The following TRPM7 variants were observed in gnomAD, a reference collection of about 807,000 sequenced individuals.
The protein encoded by TRPM7 is transient receptor potential cation channel subfamily M member 7.
Under a neutral mutation model 229.7 loss-of-function variants are expected in TRPM7, and 134 were observed. The observed-to-expected ratio is 0.58, with a 90% CI of 0.51 to 0.67. The LOEUF (loss-of-function observed/expected upper bound fraction) is 0.67. Ranked by LOEUF, TRPM7 falls within the 30% of genes least tolerant of loss-of-function variation. The pLI is 0.00. For synonymous variants in TRPM7, 699 were observed against 715.2 expected (o/e 0.98, Z 0.36); for missense variants, 1,901 against 2,210.0 (o/e 0.86, Z 2.80).
intron 19 of TRPM7, among the ~76,000 whole-genome samples, chr15:50,609,182 CAATT>C (rs569751410): frequency 6.0e-4 from 91 of 152,268 alleles, no homozygotes; most frequent in Non-Finnish European, 1.1e-3. Context: ...TTATCATCAT[CAATT>C]AACACTGCAA....
chr15:50,686,445 T>TC, intron 1 of TRPM7, 86 bp downstream of exon 1: 1 of 1,608,008 alleles, frequency 6.2e-7, no homozygotes, highest in Non-Finnish European at 8.5e-7. Flanking sequence ...GGAACGCGGC[T>TC]CCCCACACAC....
At chr15:50,605,337 G>A (rs1295692966) in intron 20 of TRPM7, among the ~76,000 whole-genome samples, 193 bp from the exon 21 acceptor site, 2 of 152,100 alleles carry the variant, frequency 1.3e-5, no homozygotes, top group Admixed American at 6.6e-5. Context: ...TGCAACCTCC[G>A]TCTCCCAGGT....
At chr15:50,652,500 T>G (rs867521236) in intron 3 of TRPM7, among the ~76,000 whole-genome samples, 1 of 146,928 alleles carries the variant, frequency 6.8e-6, no homozygotes, top group South Asian at 2.1e-4. Flanking sequence ...CACTCCAGCC[T>G]GGACAATACA....
intron 3 of TRPM7, among the ~76,000 whole-genome samples, chr15:50,652,419 T>C (rs1461455740): frequency 1.4e-5 from 2 of 144,834 alleles, no homozygotes; most frequent in Non-Finnish European, 3.0e-5. Flanking sequence ...AAGCTTGTCA[T>C]TGAAAAGATA....
rs2061875906 is a variant in TRPM7, at chr15:50,666,208, A to G, written c.4-3162T>C. Among the ~76,000 whole-genome samples, 5 of 152,088 alleles carry G rather than the reference A, an allele frequency of 3.3e-5. No homozygotes were observed. The South Asian group carries it at 1.0e-3, about 32-fold the overall frequency. On this transcript the variant is annotated intron_variant, in intron 1 of 38. Transcript: ENST00000646667. ...CTTTATCAAGACTGAACAAGAAGCC[A>G]GGCAGATCACTTGAGTCCAGGAGTT...
chr15:50,570,702 A>G (rs1029715209), intron 36 of TRPM7, among the ~76,000 whole-genome samples: 1 of 131,936 alleles, frequency 7.6e-6, no homozygotes, highest in Non-Finnish European at 1.7e-5. Flanking sequence ...AAAAAAAAAA[A>G]GTTAGCCGGA....
chr15:50,590,249 G>C (rs1312962027), intron 26 of TRPM7, among the ~76,000 whole-genome samples: 2 of 150,270 alleles, frequency 1.3e-5, no homozygotes, highest in East Asian at 3.9e-4. Context: ...AAATTTAAAA[G>C]AAAAAAGGGG....
intron 9 of TRPM7, among the ~76,000 whole-genome samples, chr15:50,632,114 C>A (rs1051262180): frequency 6.6e-6 from 1 of 151,918 alleles, no homozygotes; most frequent in Admixed American, 6.6e-5. Flanking sequence ...ACCAGCCTGG[C>A]CAACACAGTG....
chr15:50,599,853 G>A (rs1159258395), intron 21 of TRPM7, among the ~76,000 whole-genome samples: 1 of 152,126 alleles, frequency 6.6e-6, no homozygotes, highest in African/African-American at 2.4e-5. Context: ...CATGGGTGTT[G>A]AAAAACTAAA....
intron 10 of TRPM7, among the ~76,000 whole-genome samples, chr15:50,630,249 C>T (rs541813550): frequency 7.4e-6 from 1 of 135,840 alleles, no homozygotes; most frequent in African/African-American, 2.4e-5. Flanking sequence ...CTCTTGATAC[C>T]ATGATTCCAG....
In TRPM7 at chr15:50,609,623, A is replaced by G. The variant is rs1447272018; in HGVS notation, c.2538T>C (p.Tyr846=). 1 of 1,612,372 alleles carries G rather than the reference A, an allele frequency of 6.2e-7. No homozygotes were observed. Among genetic ancestry groups the G allele is most frequent in the Non-Finnish European group, 8.5e-7 (1 of 1,179,402 alleles). The change falls in exon 19 of 39, where the codon TAT becomes TAC. Residue 846 remains tyrosine (Y), a synonymous_variant. Coordinates refer to ENST00000646667, the MANE Select transcript of TRPM7 (RefSeq NM_017672.6). The stretch of plus-strand genomic sequence containing the variant: ...TTACAATTGGTGCATGATAAAAGGC[A>G]TAAAACTTTCGCGTAATTGGAAGCT... ...SKKLPITRKF[Y]AFYHAPIVKF...
chr15:50,678,223 G>C (rs62017245), intron 1 of TRPM7, among the ~76,000 whole-genome samples: 16,515 of 133,338 alleles, frequency 0.12, 1,681 homozygotes, highest in Admixed American at 0.25. Flanking sequence ...CTGGGCAACA[G>C]AGTGAGACTC....
Position 50,572,867 on chromosome 15 carries a change from T to G in TRPM7, c.5308+1407A>C, listed in dbSNP as rs142175878. On this transcript the variant is annotated intron_variant, in intron 36 of 38. Coordinates refer to ENST00000646667, the MANE Select transcript of TRPM7 (RefSeq NM_017672.6). ...CTGAGTAATAAACATTCTAAACAAT[T>G]GTTCTCATGTGATTTAAAATCTGGT... 3.2e-3 allele frequency among the ~76,000 whole-genome samples: 490 copies of G among 152,322 alleles called. 5 individuals are homozygous for G. Among genetic ancestry groups the G allele is most frequent in the African/African-American group, 0.011 (476 of 41,568 alleles).
intron 38 of TRPM7, among the ~76,000 whole-genome samples, chr15:50,564,676 G>T (rs2053511506): frequency 6.6e-6 from 1 of 151,844 alleles, no homozygotes; most frequent in Non-Finnish European, 1.5e-5. Flanking sequence ...CTCAGAATAT[G>T]AACTAATTTA....
At chr15:50,619,267 C>A (rs2060320756) in intron 13 of TRPM7, among the ~76,000 whole-genome samples, 1 of 150,248 alleles carries the variant, frequency 6.7e-6, no homozygotes, top group African/African-American at 2.4e-5. Flanking sequence ...GTCACCCAGG[C>A]TGGAATGCAG....
At chr15:50,568,585 C>T (rs2053723466) in intron 38 of TRPM7, among the ~76,000 whole-genome samples, 1 of 152,140 alleles carries the variant, frequency 6.6e-6, no homozygotes. Flanking sequence ...TCAAAAACTC[C>T]TTGGTGATGT....
At chr15:50,608,619 A>C (rs939753185) in intron 19 of TRPM7, among the ~76,000 whole-genome samples, 4 of 152,200 alleles carry the variant, frequency 2.6e-5, no homozygotes, top group Non-Finnish European at 4.4e-5. Flanking sequence ...CAGCCTCTGA[A>C]TAGGAAGGAA....
intron 1 of TRPM7, among the ~76,000 whole-genome samples, chr15:50,672,898 C>CAAAAAAAAAAAAAAAAAAAAAAAA (rs35153596): frequency 3.8e-5 from 1 of 26,218 alleles, no homozygotes; most frequent in African/African-American, 1.3e-4. Flanking sequence ...GACTCTGTCT[C>CAAAAAAAAAAAAAAAAAAAAAAAA]AAAAAAAAAA....
intron 3 of TRPM7, among the ~76,000 whole-genome samples, chr15:50,650,854 C>T (rs1214988113): frequency 2.6e-5 from 4 of 152,188 alleles, no homozygotes; most frequent in Admixed American, 1.3e-4. Flanking sequence ...ATGCCAGTAA[C>T]CAAAAACATA....
Sources: allele counts gnomAD v4.1 joint callset (sites outside exome capture counted in the v4.1 genomes callset), GRCh38; gene constraint gnomAD v4.1.1; transcripts MANE v1.5; gene names NCBI Gene and HGNC (gene_info 2026-07-23, HGNC 2026-07-21).